The following PCDH7 variants were observed in gnomAD, a reference collection of about 807,000 sequenced individuals.
PCDH7 encodes protocadherin 7.
A neutral mutation model predicts 58.9 loss-of-function variants in PCDH7; 17 were observed. That is an observed-to-expected ratio of 0.29 (90% CI 0.20 to 0.43). The LOEUF (loss-of-function observed/expected upper bound fraction) is 0.43, where lower values mean the gene tolerates loss of function less well. Among genes scored for constraint, PCDH7 ranks in the 20% least tolerant of loss-of-function variants. PCDH7 has a pLI of 1.00. For synonymous variants in PCDH7, 664 were observed against 616.4 expected (o/e 1.08, Z -1.14); for missense variants, 1,274 against 1,441.0 (o/e 0.88, Z 1.88).
At chr4:31,070,470 A>T (rs1758454649) in intron 3 of PCDH7, among the ~76,000 whole-genome samples, 1 of 152,050 alleles carries the variant, frequency 6.6e-6, no homozygotes, top group African/African-American at 2.4e-5. Flanking sequence ...AGTAAAAGGG[A>T]GTTGCTCAAG....
chr4:31,145,040 G>T (rs1302974379), downstream of PCDH7: 5 of 145,036 alleles, frequency 3.4e-5, no homozygotes, highest in Admixed American at 6.7e-5. Context: ...GCATAACACG[G>T]ATGTTTGACA....
At chr4:30,737,054 T>C (rs970682156), downstream of PCDH7, among the ~76,000 whole-genome samples, 60 of 152,046 alleles carry the variant, frequency 3.9e-4, no homozygotes, top group Non-Finnish European at 7.4e-5. Context: ...TCTGGAAAAA[T>C]AGAAAACTAA....
chr4:30,961,272 C>T (rs560344716), intron 3 of PCDH7, among the ~76,000 whole-genome samples: 127 of 151,604 alleles, frequency 8.4e-4, no homozygotes, highest in African/African-American at 2.6e-3. Context: ...ACGCCGGGCA[C>T]GGTGGCTCAT....
intron 3 of PCDH7, among the ~76,000 whole-genome samples, chr4:31,034,647 G>T (rs1755233861): frequency 6.6e-6 from 1 of 151,964 alleles, no homozygotes; most frequent in African/African-American, 2.4e-5. Context: ...ATTTTTTTAG[G>T]ATTGTAAAAA....
At chr4:30,990,672 T>C (rs963222643) in intron 3 of PCDH7, among the ~76,000 whole-genome samples, 5 of 152,108 alleles carry the variant, frequency 3.3e-5, no homozygotes, top group Non-Finnish European at 7.4e-5. Flanking sequence ...GGGAATACTT[T>C]TGTGATTATG....
intron 3 of PCDH7, among the ~76,000 whole-genome samples, chr4:31,049,324 A>G (rs1756559189): frequency 6.6e-6 from 1 of 152,094 alleles, no homozygotes; most frequent in Non-Finnish European, 1.5e-5. Flanking sequence ...TGTGAGTGTT[A>G]TAGGTAAGTA....
chr4:31,096,092 A>G (rs901763940), intron 3 of PCDH7, among the ~76,000 whole-genome samples: 1 of 152,152 alleles, frequency 6.6e-6, no homozygotes, highest in East Asian at 1.9e-4. Context: ...CACTGATAAG[A>G]TATAGCTCAT....
At chr4:30,834,919 G>GTA (rs1418321001) in intron 1 of PCDH7, among the ~76,000 whole-genome samples, 15 of 140,660 alleles carry the variant, frequency 1.1e-4, no homozygotes, top group African/African-American at 2.4e-4. Flanking sequence ...ATATATATAT[G>GTA]TGTATATATA....
At chr4:30,921,930 G>C (rs891573854) in intron 2 of PCDH7, among the ~76,000 whole-genome samples, 1 of 151,638 alleles carries the variant, frequency 6.6e-6, no homozygotes, top group Non-Finnish European at 1.5e-5. Context: ...TGTACCCCTG[G>C]CATTATAATC....
chr4:30,952,350 A>T (rs572775382), intron 3 of PCDH7, among the ~76,000 whole-genome samples: 1 of 152,180 alleles, frequency 6.6e-6, no homozygotes, highest in Non-Finnish European at 1.5e-5. Flanking sequence ...AAAATTATAC[A>T]TGGGATTATA....
At chr4:30,854,706 AT>A (rs1317219109) in intron 1 of PCDH7, among the ~76,000 whole-genome samples, 2 of 151,942 alleles carry the variant, frequency 1.3e-5, no homozygotes. Flanking sequence ...AGCCATGCAT[AT>A]TTTTTATAAG....
chr4:30,813,537 ATAG>A (rs1459782108), intron 1 of PCDH7, among the ~76,000 whole-genome samples: 6 of 152,242 alleles, frequency 3.9e-5, no homozygotes, highest in Non-Finnish European at 4.4e-5. Flanking sequence ...GATATGACTA[ATAG>A]TAGTGCATCA....
At chr4:31,005,791 A>C (rs2109144054) in intron 3 of PCDH7, among the ~76,000 whole-genome samples, 1 of 152,306 alleles carries the variant, frequency 6.6e-6, no homozygotes, top group East Asian at 1.9e-4. Context: ...CATATGAACT[A>C]ATTAAAGTCA....
intron 3 of PCDH7, among the ~76,000 whole-genome samples, chr4:31,004,622 G>A (rs146037995): frequency 9.2e-5 from 14 of 152,092 alleles, no homozygotes; most frequent in African/African-American, 3.1e-4. Context: ...GGAGGTGGAG[G>A]TTGCAGTGAG....
At chr4:31,111,225 G>A (rs1022062905) in intron 3 of PCDH7, among the ~76,000 whole-genome samples, 3 of 127,082 alleles carry the variant, frequency 2.4e-5, no homozygotes, top group African/African-American at 1.0e-4. Flanking sequence ...TTTTGTAATT[G>A]GCAGTTAAAA....
intron 3 of PCDH7, among the ~76,000 whole-genome samples, chr4:31,001,782 T>A (rs1752380634): frequency 6.6e-6 from 1 of 152,192 alleles, no homozygotes; most frequent in Non-Finnish European, 1.5e-5. Context: ...TTGAGAATAT[T>A]TACATAAATT....
chr4:30,855,280 G>A (rs1344622092), intron 1 of PCDH7, among the ~76,000 whole-genome samples: 1 of 152,136 alleles, frequency 6.6e-6, no homozygotes, highest in East Asian at 1.9e-4. Context: ...GTCATGATCA[G>A]AACAGAATAT....
At chr4:31,017,568 T>C (rs1316323135) in intron 3 of PCDH7, among the ~76,000 whole-genome samples, 1 of 152,086 alleles carries the variant, frequency 6.6e-6, no homozygotes, top group Non-Finnish European at 1.5e-5. Context: ...GAAGATTCAT[T>C]TGACACACAC....
At chr4:30,865,306 C>G (rs1389465389) in intron 1 of PCDH7, among the ~76,000 whole-genome samples, 1 of 151,940 alleles carries the variant, frequency 6.6e-6, no homozygotes, top group Non-Finnish European at 1.5e-5. Context: ...AGAGGAATTA[C>G]ATTGTAGTGT....
Sources: gnomAD v4.1 joint callset for allele counts (sites outside exome capture counted in the v4.1 genomes callset) on GRCh38, gnomAD v4.1.1 for gene constraint, MANE v1.5 for transcripts, NCBI Gene and HGNC (gene_info 2026-07-23, HGNC 2026-07-21) for gene names.